ACTN4: variants seen among roughly 807,000 people sequenced by gnomAD.
ACTN4 encodes the protein actinin alpha 4, also known as alpha-actinin-4.
ACTN4 carries 18 observed loss-of-function variants against 114.2 expected under a neutral mutation model. The ratio of observed to expected loss-of-function variants is 0.16; its 90% CI spans 0.11 to 0.23. The LOEUF is 0.23. ACTN4 is among the 10% of genes least tolerant of loss of function. The probability of loss-of-function intolerance (pLI) is 1.00; values close to 1 mark genes in which losing one functional copy is unlikely to be tolerated. For synonymous variants in ACTN4, 515 were observed against 506.3 expected (o/e 1.02, Z -0.23); for missense variants, 722 against 1,262.9 (o/e 0.57, Z 6.49).
At chr19:38,714,433 GC>G in intron 8 of ACTN4, 35 bp from the exon 9 acceptor site, 2 of 1,606,334 alleles carry the variant, frequency 1.2e-6, no homozygotes, top group Middle Eastern at 3.3e-4. Context: ...AGGGTGGCCA[GC>G]CCCCAGGCAG....
intron 1 of ACTN4, among the ~76,000 whole-genome samples, chr19:38,664,501 C>T (rs916322540): frequency 6.6e-6 from 1 of 152,084 alleles, no homozygotes; most frequent in Non-Finnish European, 1.5e-5. Context: ...TAGCTCAGTT[C>T]GTGCAAGTAA....
intron 1 of ACTN4, among the ~76,000 whole-genome samples, chr19:38,698,587 G>A (rs1968167736): frequency 6.6e-6 from 1 of 152,232 alleles, no homozygotes; most frequent in African/African-American, 2.4e-5. Flanking sequence ...GGAGGCCATG[G>A]TGCGGGTACC....
At chr19:38,650,201 G>T (rs531298065) in intron 1 of ACTN4, among the ~76,000 whole-genome samples, 3 of 152,220 alleles carry the variant, frequency 2.0e-5, no homozygotes, top group South Asian at 2.1e-4. Context: ...TGATAAGGGT[G>T]GGGGGACCTT....
intron 1 of ACTN4, among the ~76,000 whole-genome samples, chr19:38,686,516 G>T (rs907319577): frequency 1.3e-5 from 2 of 152,180 alleles, no homozygotes; most frequent in African/African-American, 4.8e-5. Flanking sequence ...GCCAGAGGAG[G>T]CCCCAGCCTC....
chr19:38,647,989 T>G, intron 1 of ACTN4, 82 bp downstream of exon 1: 4 of 1,362,816 alleles, frequency 2.9e-6, no homozygotes, highest in South Asian at 1.6e-5. Context: ...GAAAGGTAAC[T>G]GGAGCGTCTG....
In ACTN4 at chr19:38,701,030, G is replaced by A. The variant is rs776245124; in HGVS notation, c.306G>A (p.Gly102=). The change falls in exon 3 of 21, where the codon GGG becomes GGA. Residue 102 remains glycine, a synonymous_variant. Transcript: ENST00000252699. ...SGERLPKPER[G]KMRVHKINNV... is the part of the protein sequence containing the mutation. ...AGCGGTTACCTAAGCCGGAGCGGGG[G>A]AAGATGAGAGTGCACAAAATCAACA... 1 of 1,614,108 alleles carries A rather than the reference G, an allele frequency of 6.2e-7. No homozygotes were observed. The highest frequency in any genetic ancestry group is 8.5e-7 in the Non-Finnish European group (1 of 1,180,046).
Position 38,724,361 on chromosome 19 carries a change from G to A in ACTN4, c.1875+22G>A, listed in dbSNP as rs1269883168. The A allele has an allele frequency of 1.2e-6, 2 of 1,612,954 alleles. No homozygotes were observed. Among genetic ancestry groups the A allele is most frequent in the African/African-American group, 1.3e-5 (1 of 75,036 alleles). ...GAAGGTGGGCCGGGGCCATCCGTAG[G>A]GGCTGGGGCAGGACGGCGGGGCTGG... On this transcript the variant is annotated intron_variant, in intron 15 of 20. Coordinates refer to ENST00000252699, the MANE Select transcript of ACTN4 (RefSeq NM_004924.6). The surrounding 1 kb of genome is among the most constrained non-coding windows in gnomAD (Gnocchi z 7.0).
In ACTN4 at chr19:38,724,357, G is replaced by A. The variant is rs778507502; in HGVS notation, c.1875+18G>A. 62 of 1,612,852 alleles carry A rather than the reference G, an allele frequency of 3.8e-5. 1 individual carries two copies. In the Middle Eastern group the frequency reaches 1.6e-3, roughly 43 times the overall value. On this transcript the variant is annotated intron_variant, in intron 15 of 20. Coordinates refer to ENST00000252699, the MANE Select transcript of ACTN4 (RefSeq NM_004924.6). This position sits in a 1 kb window ranked among gnomAD's most constrained non-coding sequence, Gnocchi z 7.0. The stretch of plus-strand genomic sequence containing the variant: ...GGGAGAAGGTGGGCCGGGGCCATCC[G>A]TAGGGGCTGGGGCAGGACGGCGGGG...
intron 17 of ACTN4, 43 bp downstream of exon 17, chr19:38,725,946 C>G (rs750802933): frequency 5.0e-6 from 8 of 1,609,408 alleles, no homozygotes; most frequent in Non-Finnish European, 5.1e-6. Context: ...CCAGCATGGC[C>G]GGCTTCCTCA....
chr19:38,679,544 C>T (rs539562538), intron 1 of ACTN4, among the ~76,000 whole-genome samples: 39 of 149,576 alleles, frequency 2.6e-4, no homozygotes, highest in Non-Finnish European at 4.4e-4. Flanking sequence ...ATTACCCATA[C>T]GTGCTCAAAT....
intron 1 of ACTN4, among the ~76,000 whole-genome samples, chr19:38,673,546 T>TA (rs1967226567): frequency 8.8e-6 from 1 of 113,490 alleles, no homozygotes; most frequent in Non-Finnish European, 1.8e-5. Context: ...CTTATATATA[T>TA]TTATATATAC....
chr19:38,663,505 A>C (rs1187678651), intron 1 of ACTN4, among the ~76,000 whole-genome samples: 1 of 152,028 alleles, frequency 6.6e-6, no homozygotes, highest in Non-Finnish European at 1.5e-5. Context: ...GTGTCCCGGG[A>C]GAGGAAAGGG....
intron 1 of ACTN4, among the ~76,000 whole-genome samples, chr19:38,675,943 C>T (rs1428228042): frequency 6.6e-6 from 1 of 152,182 alleles, no homozygotes; most frequent in African/African-American, 2.4e-5. Flanking sequence ...AGCTGTGAAG[C>T]CATGGACTCA....
chr19:38,704,586 A>G lies in ACTN4; in HGVS notation c.398-348A>G, dbSNP rs550942968. On this transcript the variant is annotated intron_variant, in intron 3 of 20. Coordinates refer to ENST00000252699, the MANE Select transcript of ACTN4 (RefSeq NM_004924.6). ...TACGGCAGAAATGTACAGAGCACTG[A>G]GAGTTGAGAGAGGTGTGAACAGAGG... is the stretch of plus-strand genomic sequence containing the variant. Among the ~76,000 whole-genome samples, 4 of 152,362 alleles carry G rather than the reference A, an allele frequency of 2.6e-5. No homozygotes were observed. In the East Asian group the frequency reaches 7.7e-4, roughly 29 times the overall value.
At position 38,727,880 on chromosome 19, in the gene ACTN4, C is replaced by T; in HGVS notation, c.2338-66C>T. ...CTTCCCCCTGCCCTCTGCATGTGAC[C>T]CCGATCCCTCATCCTGGTCTCCACG... is the stretch of plus-strand genomic sequence containing the variant. On this transcript the variant is annotated intron_variant, in intron 18 of 20. Coordinates refer to ENST00000252699, the MANE Select transcript of ACTN4 (RefSeq NM_004924.6). The surrounding 1 kb of genome is among the most constrained non-coding windows in gnomAD (Gnocchi z 5.4). The T allele has an allele frequency of 2.0e-6, 3 of 1,505,174 alleles. 1 individual carries two copies. The South Asian group carries it at 3.5e-5, about 17-fold the overall frequency. The allele number at this position is 1,505,174 out of a possible 1,614,324, so 93.2% of individuals were successfully genotyped here.
At chr19:38,712,479 C>G (rs1449949776) in intron 8 of ACTN4, among the ~76,000 whole-genome samples, 2 of 152,140 alleles carry the variant, frequency 1.3e-5, no homozygotes, top group African/African-American at 2.4e-5. Context: ...TAGCACAGTG[C>G]CTGGCACGGC....
intron 8 of ACTN4, among the ~76,000 whole-genome samples, chr19:38,713,456 C>T (rs1193802834): frequency 6.6e-6 from 1 of 152,204 alleles, no homozygotes; most frequent in African/African-American, 2.4e-5. Flanking sequence ...TGGCCTGGGG[C>T]CCATGTTCAT....
In ACTN4 at chr19:38,717,781, G is replaced by T; in HGVS notation, c.1144-146G>T. On this transcript the variant is annotated intron_variant, in intron 10 of 20. Transcript: ENST00000252699. This position sits in a 1 kb window ranked among gnomAD's most constrained non-coding sequence, Gnocchi z 4.0. The stretch of plus-strand genomic sequence containing the variant: ...CCTGCTGAGTGCTGGGGGGCCCTGT[G>T]TAGGCATCCAGGTATAATAGCAAAG... The T allele has an allele frequency of 9.2e-7, 1 of 1,087,014 alleles. No homozygotes were observed. The highest frequency in any genetic ancestry group is 1.4e-5 in the South Asian group (1 of 71,800). The allele number at this position is 1,087,014 out of a possible 1,614,324, so 67.3% of individuals were successfully genotyped here.
At chr19:38,698,834 T>G (rs1343674311) in intron 1 of ACTN4, among the ~76,000 whole-genome samples, 1 of 152,170 alleles carries the variant, frequency 6.6e-6, no homozygotes, top group African/African-American at 2.4e-5. Flanking sequence ...GTATGGCGTA[T>G]TAATTAGGCA....
Sources: allele counts gnomAD v4.1 joint callset (sites outside exome capture counted in the v4.1 genomes callset), GRCh38; gene constraint gnomAD v4.1.1; non-coding constraint Gnocchi (gnomAD v3.1); transcripts MANE v1.5; gene names NCBI Gene and HGNC (gene_info 2026-07-23, HGNC 2026-07-21).